The following ERC2 variants were observed in gnomAD, a reference collection of about 807,000 sequenced individuals.
ERC2 encodes the protein ERC protein 2.
Under a neutral mutation model 114.8 loss-of-function variants are expected in ERC2, and 42 were observed. The ratio of observed to expected loss-of-function variants is 0.37; its 90% CI spans 0.29 to 0.47. ERC2 has a LOEUF of 0.47. Ranked by LOEUF, ERC2 falls within the 20% of genes least tolerant of loss-of-function variation. ERC2 has a pLI of 0.99. For missense variants in ERC2, 939 were observed against 1,150.7 expected, an observed-to-expected ratio of 0.82 and a Z score of 2.66; for synonymous variants, 454 against 425.5, an observed-to-expected ratio of 1.07 and a Z score of -0.82.
At chr3:56,139,159 G>GA (rs1300114582) in intron 6 of ERC2, among the ~76,000 whole-genome samples, 1 of 152,036 alleles carries the variant, frequency 6.6e-6, no homozygotes, top group African/African-American at 2.4e-5. Context: ...TCCGAAGTAT[G>GA]AAAAAAAGAA....
At chr3:56,348,081 G>C (rs1176482841) in intron 2 of ERC2, among the ~76,000 whole-genome samples, 1 of 152,146 alleles carries the variant, frequency 6.6e-6, no homozygotes, top group Non-Finnish European at 1.5e-5. Flanking sequence ...AAATACTACA[G>C]CTGTTCCCAG....
chr3:56,377,281 G>A (rs536078061), intron 2 of ERC2, among the ~76,000 whole-genome samples: 1 of 152,310 alleles, frequency 6.6e-6, no homozygotes, highest in Non-Finnish European at 1.5e-5. Flanking sequence ...AGATGGAAGA[G>A]TATGATCCTT....
intron 15 of ERC2, among the ~76,000 whole-genome samples, chr3:55,714,667 G>GTGTGTATA (rs2063990871): frequency 2.3e-5 from 2 of 88,596 alleles, no homozygotes; most frequent in African/African-American, 1.0e-4. Context: ...GTGTGTGTGT[G>GTGTGTATA]TATATATATA....
chr3:56,281,428 C>A, intron 3 of ERC2, among the ~76,000 whole-genome samples: 1 of 57,546 alleles, frequency 1.7e-5, no homozygotes, highest in Non-Finnish European at 4.1e-5. Flanking sequence ...CAGAGCAAGA[C>A]TCCGTCTCAA....
intron 14 of ERC2, among the ~76,000 whole-genome samples, chr3:55,762,602 C>T (rs1174871287): frequency 6.6e-6 from 1 of 151,930 alleles, no homozygotes; most frequent in East Asian, 1.9e-4. Flanking sequence ...TCAAGCAAAC[C>T]CTTGGCCAAA....
At chr3:55,895,627 C>A (rs1265294883) in intron 13 of ERC2, among the ~76,000 whole-genome samples, 1 of 152,142 alleles carries the variant, frequency 6.6e-6, no homozygotes, top group Non-Finnish European at 1.5e-5. Flanking sequence ...CCCTGGAGGG[C>A]AGAGACTGTG....
chr3:56,105,867 A>G (rs1009840174), intron 6 of ERC2, among the ~76,000 whole-genome samples: 4 of 152,212 alleles, frequency 2.6e-5, no homozygotes, highest in African/African-American at 9.6e-5. Context: ...TATAACTTCT[A>G]GACTGGTAGT....
At chr3:56,245,341 T>G (rs1460151218) in intron 3 of ERC2, among the ~76,000 whole-genome samples, 2 of 152,076 alleles carry the variant, frequency 1.3e-5, no homozygotes, top group Non-Finnish European at 2.9e-5. Flanking sequence ...TCCTCAAATG[T>G]TTGAACTTGA....
At chr3:55,657,157 G>A (rs1275309595) in intron 17 of ERC2, 2 of 151,964 alleles carry the variant, frequency 1.3e-5, no homozygotes, top group African/African-American at 4.8e-5. Flanking sequence ...CCCCGCTTTT[G>A]CCTCCATGGT....
At chr3:55,691,417 A>G (rs969888175) in intron 16 of ERC2, among the ~76,000 whole-genome samples, 1 of 151,600 alleles carries the variant, frequency 6.6e-6, no homozygotes, top group Admixed American at 6.6e-5. Flanking sequence ...CCCTTCTCCC[A>G]TGCAATACAC....
intron 2 of ERC2, among the ~76,000 whole-genome samples, chr3:56,340,857 G>A: frequency 6.6e-6 from 1 of 151,952 alleles, no homozygotes; most frequent in East Asian, 1.9e-4. Context: ...ACCTATTGCT[G>A]CCTACAAGAA....
intron 12 of ERC2, among the ~76,000 whole-genome samples, chr3:55,971,895 G>T (rs2069185193): frequency 6.6e-6 from 1 of 152,098 alleles, no homozygotes; most frequent in South Asian, 2.1e-4. Flanking sequence ...CATATTCCCA[G>T]AACATCACAC....
intron 14 of ERC2, among the ~76,000 whole-genome samples, chr3:55,757,736 G>A (rs947898097): frequency 3.3e-5 from 5 of 151,944 alleles, no homozygotes; most frequent in East Asian, 1.9e-4. Flanking sequence ...TGTTCACTTT[G>A]AACATCCTAA....
intron 14 of ERC2, among the ~76,000 whole-genome samples, chr3:55,879,462 G>A (rs1222665289): frequency 2.6e-5 from 4 of 152,030 alleles, no homozygotes; most frequent in Non-Finnish European, 5.9e-5. Context: ...TGTCTTCTTG[G>A]ACTTCTCTGG....
intron 7 of ERC2, among the ~76,000 whole-genome samples, chr3:56,021,957 T>C (rs1290851591): frequency 6.6e-6 from 1 of 152,242 alleles, no homozygotes; most frequent in East Asian, 1.9e-4. Flanking sequence ...CACATTTTCT[T>C]TATCCAGTCT....
intron 14 of ERC2, among the ~76,000 whole-genome samples, chr3:55,750,202 AAAT>A (rs1301443210): frequency 4.6e-5 from 7 of 152,310 alleles, no homozygotes; most frequent in Non-Finnish European, 7.4e-5. Flanking sequence ...AATAAAAGAT[AAAT>A]AATAGTTTAT....
intron 2 of ERC2, among the ~76,000 whole-genome samples, chr3:56,420,177 CTTTTTTTT>C (rs34883402): frequency 1.4e-5 from 1 of 72,306 alleles, no homozygotes; most frequent in East Asian, 4.3e-4. Context: ...AGTGGTTATA[CTTTTTTTT>C]TTTTTTTTTT....
intron 6 of ERC2, among the ~76,000 whole-genome samples, chr3:56,101,158 A>G (rs900192386): frequency 2.6e-5 from 4 of 152,218 alleles, no homozygotes; most frequent in Non-Finnish European, 5.9e-5. Flanking sequence ...ATATTCTGAC[A>G]TAATCAGAGA....
intron 15 of ERC2, among the ~76,000 whole-genome samples, chr3:55,733,477 C>A (rs544682502): frequency 6.8e-6 from 1 of 147,038 alleles, no homozygotes; most frequent in African/African-American, 2.5e-5. Context: ...CACACACACA[C>A]ACACACACAT....
Sources: gnomAD v4.1 joint callset for allele counts (sites outside exome capture counted in the v4.1 genomes callset) on GRCh38, gnomAD v4.1.1 for gene constraint, MANE v1.5 for transcripts, NCBI Gene and HGNC (gene_info 2026-07-23, HGNC 2026-07-21) for gene names.